Variants in HS3ST5 observed in about 807,000 individuals in gnomAD.
HS3ST5 encodes the protein heparan sulfate-glucosamine 3-sulfotransferase 5.
Under a neutral mutation model 25.4 loss-of-function variants are expected in HS3ST5, and 10 were observed. That is an observed-to-expected ratio of 0.39 (90% CI 0.24 to 0.67). The LOEUF (loss-of-function observed/expected upper bound fraction) is 0.67, where lower values mean the gene tolerates loss of function less well. Among genes scored for constraint, HS3ST5 ranks in the 30% least tolerant of loss-of-function variants. The pLI is 0.44. For synonymous variants in HS3ST5, 170 were observed against 162.4 expected, an observed-to-expected ratio of 1.05 and a Z score of -0.36; for missense variants, 324 against 420.7, an observed-to-expected ratio of 0.77 and a Z score of 2.01.
At chr6:114,233,590 GACAA>G (rs1445733659) in intron 1 of HS3ST5, among the ~76,000 whole-genome samples, 6 of 152,032 alleles carry the variant, frequency 3.9e-5, no homozygotes, top group African/African-American at 1.4e-4. Flanking sequence ...GAGTTCTGTG[GACAA>G]ACACTCAAGC....
intron 3 of HS3ST5, chr6:114,084,437 G>T: frequency 1.3e-6 from 1 of 756,178 alleles, no homozygotes; most frequent in South Asian, 1.3e-5. Context: ...GTCTCTTCAG[G>T]ATCTCTGTAG....
Position 114,145,638 on chromosome 6 carries a change from G to A in HS3ST5, c.-33+22713C>T, listed in dbSNP as rs552545487. ...AGGTTCAATGAGAGTGGCCAGGTAC[G>A]TGGAGCAGGCAGGGTCAAGGACACC... On this transcript the variant is annotated intron_variant, in intron 3 of 4. Coordinates refer to ENST00000312719, the MANE Select transcript of HS3ST5 (RefSeq NM_153612.4). 3.9e-4 allele frequency among the ~76,000 whole-genome samples: 59 copies of A among 152,294 alleles called. 1 individual carries two copies. In the South Asian group the frequency reaches 0.011, roughly 28 times the overall value.
chr6:114,063,173 T>C (rs889469094), intron 3 of HS3ST5, among the ~76,000 whole-genome samples: 3 of 152,074 alleles, frequency 2.0e-5, no homozygotes, highest in African/African-American at 7.2e-5. Flanking sequence ...ATATAGTGTG[T>C]TTGTGTGTGT....
At chr6:114,309,249 AC>A (rs1373918178) in intron 1 of HS3ST5, among the ~76,000 whole-genome samples, 3 of 152,206 alleles carry the variant, frequency 2.0e-5, no homozygotes, top group Non-Finnish European at 4.4e-5. Flanking sequence ...GGCTTAAATA[AC>A]CGAAATTTGT....
intron 1 of HS3ST5, among the ~76,000 whole-genome samples, chr6:114,312,270 A>T (rs1775564370): frequency 6.6e-6 from 1 of 152,238 alleles, no homozygotes; most frequent in African/African-American, 2.4e-5. Flanking sequence ...TTAAAAACTG[A>T]TGCTTGTCTG....
At chr6:114,083,260 G>A (rs1193234173) in intron 3 of HS3ST5, among the ~76,000 whole-genome samples, 4 of 152,102 alleles carry the variant, frequency 2.6e-5, no homozygotes, top group Non-Finnish European at 5.9e-5. Context: ...CAGGCCATCT[G>A]GTTTATTAAT....
At chr6:114,152,768 C>G (rs913787644) in intron 3 of HS3ST5, among the ~76,000 whole-genome samples, 1 of 152,166 alleles carries the variant, frequency 6.6e-6, no homozygotes, top group South Asian at 2.1e-4. Flanking sequence ...TGGCCTGCCC[C>G]TTGAGCAGTC....
intron 3 of HS3ST5, chr6:114,084,807 A>G (rs1774699359): frequency 2.9e-6 from 2 of 691,366 alleles, no homozygotes; most frequent in East Asian, 2.6e-5. Flanking sequence ...TCAAACTCTT[A>G]GAAAATTTCT....
At chr6:114,139,123 T>C (rs959060084) in intron 3 of HS3ST5, among the ~76,000 whole-genome samples, 5 of 152,212 alleles carry the variant, frequency 3.3e-5, no homozygotes, top group African/African-American at 1.2e-4. Flanking sequence ...GGAATATCTT[T>C]GCCCTGTTGC....
At chr6:114,262,412 T>G (rs1226681379) in intron 1 of HS3ST5, among the ~76,000 whole-genome samples, 1 of 152,124 alleles carries the variant, frequency 6.6e-6, no homozygotes, top group Non-Finnish European at 1.5e-5. Flanking sequence ...CCAGGCGTGG[T>G]GGCAGGCACC....
intron 3 of HS3ST5, among the ~76,000 whole-genome samples, chr6:114,144,313 A>G (rs928604639): frequency 3.3e-5 from 5 of 152,344 alleles, no homozygotes; most frequent in African/African-American, 1.2e-4. Flanking sequence ...TGACCGATAC[A>G]TTTAGCGAAG....
intron 1 of HS3ST5, among the ~76,000 whole-genome samples, chr6:114,266,789 T>C (rs1467731950): frequency 6.6e-6 from 1 of 152,186 alleles, no homozygotes; most frequent in Non-Finnish European, 1.5e-5. Flanking sequence ...AGAACACCTA[T>C]TTCTGATATT....
chr6:114,091,024 G>GA (rs1318955263), intron 3 of HS3ST5, among the ~76,000 whole-genome samples: 3 of 152,092 alleles, frequency 2.0e-5, no homozygotes, highest in Non-Finnish European at 2.9e-5. Context: ...TCTGTGGGGA[G>GA]AAAAAAACTA....
chr6:114,218,462 A>AATAAT (rs1300436883), intron 2 of HS3ST5, among the ~76,000 whole-genome samples: 1 of 152,222 alleles, frequency 6.6e-6, no homozygotes, highest in Non-Finnish European at 1.5e-5. Context: ...TATTGGTATG[A>AATAAT]ATAATTCTCT....
intron 1 of HS3ST5, among the ~76,000 whole-genome samples, chr6:114,290,642 A>T (rs1471465461): frequency 6.6e-6 from 1 of 152,116 alleles, no homozygotes. Context: ...ATGTGATTTG[A>T]ATGCCAGATG....
chr6:114,110,155 T>G (rs1776196246), intron 3 of HS3ST5, among the ~76,000 whole-genome samples: 1 of 152,190 alleles, frequency 6.6e-6, no homozygotes, highest in Non-Finnish European at 1.5e-5. Flanking sequence ...GAGGGCTTAT[T>G]AGAGAATTGG....
At chr6:114,135,704 A>G (rs1777562539) in intron 3 of HS3ST5, among the ~76,000 whole-genome samples, 1 of 152,094 alleles carries the variant, frequency 6.6e-6, no homozygotes, top group Admixed American at 6.5e-5. Context: ...TCTTCCCGTG[A>G]CGTTTATTTA....
intron 2 of HS3ST5, among the ~76,000 whole-genome samples, chr6:114,226,964 T>C (rs1472158635): frequency 6.6e-6 from 1 of 152,100 alleles, no homozygotes; most frequent in African/African-American, 2.4e-5. Context: ...TGATTTACAC[T>C]AAAAGCTTTA....
At chr6:114,308,654 G>T (rs955233182) in intron 1 of HS3ST5, among the ~76,000 whole-genome samples, 1 of 152,090 alleles carries the variant, frequency 6.6e-6, no homozygotes, top group Non-Finnish European at 1.5e-5. Flanking sequence ...GTACAAGAAA[G>T]AATAGCTCTT....
Sources: gnomAD v4.1 joint callset for allele counts (sites outside exome capture counted in the v4.1 genomes callset) on GRCh38, gnomAD v4.1.1 for gene constraint, MANE v1.5 for transcripts, NCBI Gene and HGNC (gene_info 2026-07-23, HGNC 2026-07-21) for gene names.